The following INPP4A variants were observed in gnomAD, a reference collection of about 807,000 sequenced individuals.
INPP4A encodes inositol polyphosphate-4-phosphatase, type I, 107kD.
In INPP4A, 33 loss-of-function variants were observed where a neutral mutation model predicts 119.8. The observed-to-expected ratio is 0.28, with a 90% CI of 0.21 to 0.37. INPP4A has a LOEUF of 0.37. Among genes scored for constraint, INPP4A ranks in the 10% least tolerant of loss-of-function variants. The pLI is 1.00. For missense variants in INPP4A, 956 were observed against 1,289.9 expected, an observed-to-expected ratio of 0.74 and a Z score of 3.97; for synonymous variants, 496 against 500.7, an observed-to-expected ratio of 0.99 and a Z score of 0.12.
At chr2:98,508,811 G>T (rs565814355) in intron 1 of INPP4A, among the ~76,000 whole-genome samples, 1 of 152,184 alleles carries the variant, frequency 6.6e-6, no homozygotes, top group Non-Finnish European at 1.5e-5. Flanking sequence ...TCCTAACCAC[G>T]CAGCTCTGAC....
intron 1 of INPP4A, among the ~76,000 whole-genome samples, chr2:98,500,876 G>A (rs1682987769): frequency 6.6e-6 from 1 of 152,354 alleles, no homozygotes; most frequent in African/African-American, 2.4e-5. Flanking sequence ...CCTGACTCTA[G>A]TTTGGCCAAG....
chr2:98,504,327 C>T (rs1054621840), intron 1 of INPP4A, among the ~76,000 whole-genome samples: 2 of 152,234 alleles, frequency 1.3e-5, no homozygotes, highest in African/African-American at 4.8e-5. Flanking sequence ...GCTAAGTGTT[C>T]ACCCCAACAC....
chr2:98,467,215 G>A (rs1292727504), intron 1 of INPP4A, among the ~76,000 whole-genome samples: 1 of 152,160 alleles, frequency 6.6e-6, no homozygotes, highest in South Asian at 2.1e-4. Flanking sequence ...CACCCTCAAA[G>A]CGGGGGGTGG....
intron 1 of INPP4A, among the ~76,000 whole-genome samples, chr2:98,464,571 G>A (rs2104708851): frequency 6.6e-6 from 1 of 152,314 alleles, no homozygotes; most frequent in South Asian, 2.1e-4. Context: ...TGTCTGCCCT[G>A]ACAGGGGCAG....
intron 1 of INPP4A, among the ~76,000 whole-genome samples, chr2:98,479,890 C>T (rs1049575214): frequency 1.3e-5 from 2 of 152,192 alleles, no homozygotes; most frequent in South Asian, 2.1e-4. Context: ...GTGCACTTAC[C>T]TAAAACTGCC....
At chr2:98,531,447 T>C (rs1404625101) in intron 4 of INPP4A, among the ~76,000 whole-genome samples, 1 of 152,204 alleles carries the variant, frequency 6.6e-6, no homozygotes, top group South Asian at 2.1e-4. Flanking sequence ...TTTGTATCTT[T>C]AAGAAGGAAC....
At chr2:98,522,806 TA>T (rs554615035) in intron 4 of INPP4A, among the ~76,000 whole-genome samples, 382 of 151,762 alleles carry the variant, frequency 2.5e-3, no homozygotes, top group Non-Finnish European at 4.2e-3. Flanking sequence ...GGATCAGGAA[TA>T]AAACTGGCAT....
intron 24 of INPP4A, chr2:98,581,589 G>A: frequency 6.5e-7 from 1 of 1,547,496 alleles, no homozygotes; most frequent in Non-Finnish European, 8.7e-7. Context: ...TGGAACACGG[G>A]AGGTAGTCAC....
chr2:98,557,945 C>T (rs1402771115), intron 16 of INPP4A, among the ~76,000 whole-genome samples: 1 of 152,180 alleles, frequency 6.6e-6, no homozygotes, highest in Non-Finnish European at 1.5e-5. Context: ...TTGCTCTCCT[C>T]ATACCCAAAG....
intron 1 of INPP4A, among the ~76,000 whole-genome samples, chr2:98,509,753 C>T (rs1320431563): frequency 6.6e-6 from 1 of 152,200 alleles, no homozygotes; most frequent in Non-Finnish European, 1.5e-5. Flanking sequence ...CTGTTTTGCT[C>T]AGCACAAACA....
intron 1 of INPP4A, among the ~76,000 whole-genome samples, chr2:98,510,084 T>C (rs1351143709): frequency 1.3e-5 from 2 of 152,194 alleles, no homozygotes; most frequent in East Asian, 1.9e-4. Flanking sequence ...GGCCCCGTCA[T>C]TGCAGTTGGA....
intron 24 of INPP4A, among the ~76,000 whole-genome samples, chr2:98,586,646 A>G (rs1455391536): frequency 6.6e-6 from 1 of 152,156 alleles, no homozygotes; most frequent in Non-Finnish European, 1.5e-5. Context: ...TCATCCTCCC[A>G]TGCAGTGTTT....
chr2:98,579,503 G>T (rs1698961444), intron 24 of INPP4A, among the ~76,000 whole-genome samples: 1 of 152,220 alleles, frequency 6.6e-6, no homozygotes, highest in South Asian at 2.1e-4. Flanking sequence ...CCTTTGTAAG[G>T]CTTTTGAATA....
At chr2:98,473,416 T>C (rs1463168028) in intron 1 of INPP4A, among the ~76,000 whole-genome samples, 1 of 142,616 alleles carries the variant, frequency 7.0e-6, no homozygotes, top group African/African-American at 2.7e-5. Context: ...GTGGAGAGTG[T>C]TGAGGGCAGT....
At chr2:98,585,668 C>G (rs1464871737) in intron 24 of INPP4A, among the ~76,000 whole-genome samples, 2 of 152,222 alleles carry the variant, frequency 1.3e-5, no homozygotes, top group Non-Finnish European at 2.9e-5. Context: ...GCATGTGGAT[C>G]AGCCACATCA....
At chr2:98,552,765 A>G in intron 13 of INPP4A, 21 bp from the exon 14 acceptor site, 2 of 1,589,008 alleles carry the variant, frequency 1.3e-6, no homozygotes, top group Middle Eastern at 1.7e-4. Flanking sequence ...ATCCCTTAGA[A>G]TCCATTCTTA....
chr2:98,464,566 G>T (rs1342282109), intron 1 of INPP4A, among the ~76,000 whole-genome samples: 1 of 152,316 alleles, frequency 6.6e-6, no homozygotes, highest in Non-Finnish European at 1.5e-5. Context: ...TGCCATGTCT[G>T]CCCTGACAGG....
At chr2:98,512,576 C>T (rs767153274) in intron 1 of INPP4A, among the ~76,000 whole-genome samples, 19 of 152,170 alleles carry the variant, frequency 1.2e-4, no homozygotes, top group African/African-American at 2.7e-4. Flanking sequence ...GCATGAGAGA[C>T]AGAGAGGAAA....
At chr2:98,496,945 C>T (rs902790269) in intron 1 of INPP4A, among the ~76,000 whole-genome samples, 1 of 152,176 alleles carries the variant, frequency 6.6e-6, no homozygotes, top group African/African-American at 2.4e-5. Flanking sequence ...ACATGTGGCT[C>T]TGAGCACTCA....
Sources: allele counts gnomAD v4.1 joint callset (sites outside exome capture counted in the v4.1 genomes callset), GRCh38; gene constraint gnomAD v4.1.1; transcripts MANE v1.5; gene names NCBI Gene and HGNC (gene_info 2026-07-23, HGNC 2026-07-21).